The following CPLX2 variants were observed in gnomAD, a reference collection of about 807,000 sequenced individuals.
The protein encoded by CPLX2 is complexin 2.
Under a neutral mutation model 16.3 loss-of-function variants are expected in CPLX2, and 5 were observed. The observed-to-expected ratio is 0.31, with a 90% CI of 0.16 to 0.64. CPLX2 has a LOEUF of 0.64. CPLX2 is among the 30% of genes least tolerant of loss of function. The pLI, the probability that CPLX2 is intolerant of heterozygous loss-of-function variation, is 0.79. For synonymous variants in CPLX2, 89 were observed against 73.2 expected (o/e 1.22, Z -1.10); for missense variants, 144 against 181.4 (o/e 0.79, Z 1.18).
intron 1 of CPLX2, among the ~76,000 whole-genome samples, chr5:175,799,950 C>T (rs1425827615): frequency 6.6e-6 from 1 of 152,076 alleles, no homozygotes; most frequent in East Asian, 1.9e-4. Context: ...CAGTCAGAAG[C>T]CCAGATCTCA....
chr5:175,861,639 G>T (rs1759373398), intron 2 of CPLX2: 1 of 152,516 alleles, frequency 6.6e-6, no homozygotes, highest in Admixed American at 6.5e-5. Context: ...GCTGGAGGCG[G>T]GGAGAGCCTT....
intron 2 of CPLX2, among the ~76,000 whole-genome samples, chr5:175,836,849 C>T (rs1432467412): frequency 2.6e-5 from 4 of 152,120 alleles, no homozygotes; most frequent in Non-Finnish European, 4.4e-5. Flanking sequence ...GCAAGGCAGG[C>T]AGAGCAAGTG....
intron 2 of CPLX2, among the ~76,000 whole-genome samples, chr5:175,836,710 CCT>C (rs1345528909): frequency 6.6e-6 from 1 of 152,236 alleles, no homozygotes; most frequent in Non-Finnish European, 1.5e-5. Context: ...ACTACCCCGT[CCT>C]CTGTCCAAAA....
intron 2 of CPLX2, among the ~76,000 whole-genome samples, chr5:175,848,963 C>T (rs1490078069): frequency 5.3e-5 from 8 of 152,156 alleles, no homozygotes; most frequent in East Asian, 1.9e-4. Context: ...ATAGAGGAGA[C>T]GGCTCAGTTT....
rs141457517 is a variant in CPLX2, at chr5:175,811,495, G to A, written c.-89+2427G>A. ...CTAGAGCCTGGCTCAGAGTGATGTC[G>A]AATAGGCAGAGAGGTCCACAGCACA... On this transcript the variant is annotated intron_variant, in intron 2 of 4. Coordinates refer to the CPLX2 transcript ENST00000359546. Among the ~76,000 whole-genome samples, 143 of 152,236 alleles carry A rather than the reference G, an allele frequency of 9.4e-4. 1 individual carries two copies. Among genetic ancestry groups the A allele is most frequent in the African/African-American group, 3.2e-3 (133 of 41,542 alleles).
intron 2 of CPLX2, among the ~76,000 whole-genome samples, chr5:175,823,821 C>T (rs1758556702): frequency 6.6e-6 from 1 of 152,240 alleles, no homozygotes; most frequent in East Asian, 1.9e-4. Flanking sequence ...CTCCCTCTCC[C>T]CTCCCTCCCC....
At chr5:175,876,546 G>A (rs1219209739) in intron 1 of CPLX2, among the ~76,000 whole-genome samples, 1 of 152,102 alleles carries the variant, frequency 6.6e-6, no homozygotes, top group African/African-American at 2.4e-5. Context: ...GGGTACAGTG[G>A]GGTTGTCAGC....
chr5:175,878,391 T>C, intron 1 of CPLX2: 1 of 348,832 alleles, frequency 2.9e-6, no homozygotes, highest in Non-Finnish European at 5.2e-6. Context: ...CTGGCTTCAA[T>C]CAAATCTGAA....
chr5:175,835,260 G>A (rs1380052729), intron 2 of CPLX2, among the ~76,000 whole-genome samples: 1 of 152,162 alleles, frequency 6.6e-6, no homozygotes, highest in Non-Finnish European at 1.5e-5. Flanking sequence ...ACACAACATT[G>A]AGAAATAGTT....
At chr5:175,852,697 G>A (rs1759181030) in intron 2 of CPLX2, among the ~76,000 whole-genome samples, 1 of 152,250 alleles carries the variant, frequency 6.6e-6, no homozygotes, top group Admixed American at 6.5e-5. Flanking sequence ...TGTGCATCCA[G>A]CAACCATGCA....
chr5:175,854,696 T>G (rs1759219734), intron 2 of CPLX2, among the ~76,000 whole-genome samples: 1 of 152,180 alleles, frequency 6.6e-6, no homozygotes, highest in Non-Finnish European at 1.5e-5. Context: ...AGCCTAAATA[T>G]GTATACAAAG....
At position 175,881,104 on chromosome 5, in the gene CPLX2, T is replaced by G. The variant is rs1755582301; in HGVS notation, c.*1059T>G. The G allele has an allele frequency of 6.5e-6, 1 of 153,070 alleles. No homozygotes were observed. The highest frequency in any genetic ancestry group is 1.5e-5 in the Non-Finnish European group (1 of 68,146). 9.5% of individuals were successfully genotyped at this position (153,070 alleles called of 1,614,324 possible). On this transcript the variant is annotated 3_prime_UTR_variant, in exon 4 of 4. Coordinates refer to ENST00000393745, the MANE Select transcript of CPLX2 (RefSeq NM_001008220.2). ...CTGGGACGTCTGGGACTGGCATTTG[T>G]CCCCCACTCAAATTATCAAAGCTTT...
At chr5:175,817,789 T>C (rs576877350) in intron 2 of CPLX2, among the ~76,000 whole-genome samples, 1 of 152,270 alleles carries the variant, frequency 6.6e-6, no homozygotes, top group East Asian at 1.9e-4. Context: ...TGGAGGAATG[T>C]GTATCCATTT....
intron 2 of CPLX2, among the ~76,000 whole-genome samples, chr5:175,865,569 C>T (rs527977471): frequency 6.6e-6 from 1 of 152,318 alleles, no homozygotes; most frequent in East Asian, 1.9e-4. Context: ...CAATTCTTGA[C>T]ACTGAGATTC....
chr5:175,833,340 A>G (rs1335904253), intron 2 of CPLX2, among the ~76,000 whole-genome samples: 1 of 152,100 alleles, frequency 6.6e-6, no homozygotes. Context: ...TGGGATACAG[A>G]GATGAAGAGA....
In CPLX2 at chr5:175,848,904, C is replaced by T. The variant is rs185258775; in HGVS notation, c.-88-29748C>T. On this transcript the variant is annotated intron_variant, in intron 2 of 4. Coordinates refer to the CPLX2 transcript ENST00000359546. ...GGCAACCCGGGGAAGGCAGGGAGTC[C>T]GTGTGGCTGAAGCAGAGTGAGCCGG... Among the ~76,000 whole-genome samples, 262 of 152,168 alleles carry T rather than the reference C, an allele frequency of 1.7e-3. 1 individual carries two copies. The highest frequency in any genetic ancestry group is 3.4e-3 in the Middle Eastern group (1 of 294).
chr5:175,828,260 T>A (rs1340225728), intron 2 of CPLX2, among the ~76,000 whole-genome samples: 1 of 152,150 alleles, frequency 6.6e-6, no homozygotes, highest in African/African-American at 2.4e-5. Flanking sequence ...AGTGTGGTGG[T>A]CCCTTCATGG....
intron 2 of CPLX2, among the ~76,000 whole-genome samples, chr5:175,833,330 TG>T (rs1758765920): frequency 6.6e-6 from 1 of 152,156 alleles, no homozygotes. Context: ...GCTGGCTGCT[TG>T]GGATACAGAG....
At chr5:175,823,399 C>T (rs1033964888) in intron 2 of CPLX2, among the ~76,000 whole-genome samples, 3 of 151,782 alleles carry the variant, frequency 2.0e-5, no homozygotes, top group African/African-American at 4.8e-5. Flanking sequence ...AGTGGTGGAG[C>T]GTATGAACGA....
Sources: gnomAD v4.1 joint callset for allele counts (sites outside exome capture counted in the v4.1 genomes callset) on GRCh38, gnomAD v4.1.1 for gene constraint, MANE v1.5 for transcripts, NCBI Gene and HGNC (gene_info 2026-07-23, HGNC 2026-07-21) for gene names.